MBTD1: variants seen among roughly 807,000 people sequenced by gnomAD.
MBTD1 encodes the protein MBT domain-containing protein 1.
Under a neutral mutation model 87.8 loss-of-function variants are expected in MBTD1, and 24 were observed. The ratio of observed to expected loss-of-function variants is 0.27; its 90% confidence interval spans 0.20 to 0.38. The LOEUF is 0.38. Among genes scored for constraint, MBTD1 ranks in the 10% least tolerant of loss-of-function variants. The pLI is 1.00. For missense variants in MBTD1, 436 were observed against 760.2 expected, an observed-to-expected ratio of 0.57 and a Z score of 5.02; for synonymous variants, 237 against 248.6, an observed-to-expected ratio of 0.95 and a Z score of 0.44.
intron 2 of MBTD1, among the ~76,000 whole-genome samples, chr17:51,226,238 A>C (rs2053209782): frequency 6.6e-6 from 1 of 151,280 alleles, no homozygotes; most frequent in Non-Finnish European, 1.5e-5. Context: ...TGGGCCAGGC[A>C]TGGTGGCTCA....
chr17:51,246,782 C>T (rs1598428292), intron 2 of MBTD1, among the ~76,000 whole-genome samples: 1 of 151,984 alleles, frequency 6.6e-6, no homozygotes, highest in African/African-American at 2.4e-5. Context: ...ACTACAGGCA[C>T]GTATCACCAC....
In MBTD1 at chr17:51,203,815, C is replaced by T. The variant is rs747834993; in HGVS notation, c.715G>A (p.Gly239Arg). The T allele has an allele frequency of 9.3e-6, 15 of 1,612,434 alleles. No individual in the cohort carries two copies. Among genetic ancestry groups the T allele is most frequent in the South Asian group, 3.3e-5 (3 of 90,846 alleles). ...CTTCTAGGAGGAACAAGAGGTTTTC[C>T]GCTGGCTGCACACCAACCAACTGGA... ...IHPVGWCAASGKPLVPPRTIQ... is the reference protein window; with the variant it reads ...IHPVGWCAASRKPLVPPRTIQ... The change falls in exon 8 of 17, where the codon GGA becomes AGA. Residue 239 changes from glycine (G) to arginine (R), a missense_variant. By Grantham distance (125) the Gly-to-Arg change is moderately radical. Around this residue, in one of 5 missense-constraint regions of MBTD1, gnomAD observed 268 missense variants for 401.8 expected, o/e 0.67. Transcript: ENST00000586178.
chr17:51,201,912 A>C (rs2051514995), intron 11 of MBTD1, 110 bp downstream of exon 11: 4 of 790,334 alleles, frequency 5.1e-6, no homozygotes, highest in Non-Finnish European at 8.6e-6. Context: ...CAAGGTCTTA[A>C]TTCTTTTAAG....
chr17:51,237,919 AT>A, intron 2 of MBTD1, among the ~76,000 whole-genome samples: 1 of 152,376 alleles, frequency 6.6e-6, no homozygotes, highest in Non-Finnish European at 1.5e-5. Flanking sequence ...TGGTACGTCC[AT>A]ACAATGATTT....
chr17:51,255,555 C>T (rs1038011884), intron 2 of MBTD1, among the ~76,000 whole-genome samples: 2 of 151,252 alleles, frequency 1.3e-5, no homozygotes, highest in Non-Finnish European at 2.9e-5. Context: ...AATTTTAAAG[C>T]TTAGAAGTCT....
intron 16 of MBTD1, among the ~76,000 whole-genome samples, chr17:51,187,245 A>T (rs1029258718): frequency 7.9e-5 from 12 of 152,028 alleles, no homozygotes; most frequent in African/African-American, 2.9e-4. Flanking sequence ...CCTGGGCAAC[A>T]CAGTGAGACC....
intron 2 of MBTD1, among the ~76,000 whole-genome samples, chr17:51,253,876 C>T (rs1176680260): frequency 6.6e-6 from 1 of 152,004 alleles, no homozygotes; most frequent in Non-Finnish European, 1.5e-5. Flanking sequence ...AACAAAAGTT[C>T]CAACAAAACT....
intron 6 of MBTD1, 42 bp from the exon 7 acceptor site, chr17:51,207,047 A>G: frequency 1.8e-6 from 2 of 1,123,644 alleles, no homozygotes; most frequent in Non-Finnish European, 2.7e-6. Flanking sequence ...TATTAACATA[A>G]AGCCTAAAAC....
chr17:51,195,609 C>T (rs1408410269), intron 12 of MBTD1, among the ~76,000 whole-genome samples: 2 of 152,134 alleles, frequency 1.3e-5, no homozygotes, highest in East Asian at 1.9e-4. Flanking sequence ...AAAAGCAGTG[C>T]GTTTGACCAT....
chr17:51,216,728 T>C (rs1352509591), intron 6 of MBTD1, among the ~76,000 whole-genome samples: 1 of 152,232 alleles, frequency 6.6e-6, no homozygotes, highest in Non-Finnish European at 1.5e-5. Flanking sequence ...ATATTTTTGA[T>C]ATACAATACT....
chr17:51,198,630 A>C (rs2051276271), intron 12 of MBTD1, among the ~76,000 whole-genome samples: 1 of 152,178 alleles, frequency 6.6e-6, no homozygotes, highest in Admixed American at 6.5e-5. Context: ...CTTTCTCAGT[A>C]ATCAGAATTA....
intron 6 of MBTD1, among the ~76,000 whole-genome samples, chr17:51,211,014 G>A (rs2143373724): frequency 6.6e-6 from 1 of 151,906 alleles, no homozygotes; most frequent in East Asian, 1.9e-4. Flanking sequence ...GCACGCACCT[G>A]TAGTCCCAGC....
At chr17:51,203,118 T>C in intron 9 of MBTD1, 22 bp downstream of exon 9, 1 of 1,576,088 alleles carries the variant, frequency 6.3e-7, no homozygotes. Context: ...CTCTTCAGTC[T>C]TTATAAGATC....
intron 16 of MBTD1, among the ~76,000 whole-genome samples, chr17:51,182,088 AG>A (rs200970334): frequency 0.014 from 2,120 of 151,706 alleles, 22 homozygotes; most frequent in Middle Eastern, 0.042. Flanking sequence ...ATCAGAAGTC[AG>A]AAACTGCTTT....
At chr17:51,255,873 C>T (rs548866076) in intron 2 of MBTD1, among the ~76,000 whole-genome samples, 11 of 152,272 alleles carry the variant, frequency 7.2e-5, no homozygotes, top group Admixed American at 5.2e-4. Context: ...ATTGGGATTA[C>T]AGGCGTTAGC....
chr17:51,194,565 T>TC (rs1398951568), intron 13 of MBTD1, among the ~76,000 whole-genome samples: 11 of 12,594 alleles, frequency 8.7e-4, no homozygotes, highest in South Asian at 7.8e-3. Context: ...CGAGACTGTC[T>TC]CAAAAAAAAA....
chr17:51,184,228 C>T (rs1411998484), intron 16 of MBTD1: 1 of 152,222 alleles, frequency 6.6e-6, no homozygotes. Flanking sequence ...TTTCTCCTTT[C>T]CAGGCCTTCT....
chr17:51,184,260 A>C (rs893093056), intron 16 of MBTD1: 2 of 152,218 alleles, frequency 1.3e-5, no homozygotes, highest in African/African-American at 4.8e-5. Flanking sequence ...GGATGAAATA[A>C]AACAGATCCT....
rs775333791 is a variant in MBTD1, at chr17:51,241,004, G to C, written c.-48-15795C>G. On this transcript the variant is annotated intron_variant, in intron 2 of 16. Transcript: ENST00000586178. ...AATTTTTTTTTTTCTTTGAGACAGG[G>C]TCTCCCAGGCTGCACCCAGGCTGGA... is the stretch of plus-strand genomic sequence containing the variant. Among the ~76,000 whole-genome samples, 64 of 151,806 alleles carry C rather than the reference G, an allele frequency of 4.2e-4. 1 individual carries two copies. Among genetic ancestry groups the C allele is most frequent in the Non-Finnish European group, 6.9e-4 (47 of 67,970 alleles).
Sources: gnomAD v4.1 joint callset for allele counts (sites outside exome capture counted in the v4.1 genomes callset) on GRCh38, gnomAD v4.1.1 for gene constraint, gnomAD v4.1.1 regional missense constraint, MANE v1.5 for transcripts, NCBI Gene and HGNC (gene_info 2026-07-23, HGNC 2026-07-21) for gene names.